Variants in TPO observed in about 807,000 individuals in gnomAD.
TPO encodes the protein thyroid peroxidase, also known as thyroid microsomal antigen.
In TPO, 78 loss-of-function variants were observed where a neutral mutation model predicts 96.9. The ratio of observed to expected loss-of-function variants is 0.81; its 90% CI spans 0.67 to 0.97. TPO has a LOEUF of 0.97. TPO is among the 50% of genes least tolerant of loss of function. The pLI is 0.00. For synonymous variants in TPO, 547 were observed against 538.0 expected, an observed-to-expected ratio of 1.02 and a Z score of -0.23; for missense variants, 1,252 against 1,274.8, an observed-to-expected ratio of 0.98 and a Z score of 0.27.
intron 7 of TPO, among the ~76,000 whole-genome samples, chr2:1,462,325 C>T (rs1440292180): frequency 6.6e-6 from 1 of 152,078 alleles, no homozygotes; most frequent in Non-Finnish European, 1.5e-5. Flanking sequence ...GGTCCCTGGA[C>T]ACAAACTCAG....
At chr2:1,387,820 T>A (rs1174028377) in intron 1 of TPO, among the ~76,000 whole-genome samples, 1 of 152,210 alleles carries the variant, frequency 6.6e-6, no homozygotes, top group African/African-American at 2.4e-5. Context: ...TCTGTTCTGT[T>A]TTTTCCTCAT....
intron 15 of TPO, among the ~76,000 whole-genome samples, chr2:1,538,120 C>T (rs1431953860): frequency 6.3e-5 from 7 of 111,050 alleles, no homozygotes; most frequent in African/African-American, 2.4e-4. Flanking sequence ...CTCAAATCCC[C>T]GCACTGTGTT....
At chr2:1,408,683 A>G (rs1662282306), upstream of TPO, among the ~76,000 whole-genome samples, 1 of 152,188 alleles carries the variant, frequency 6.6e-6, no homozygotes, top group Non-Finnish European at 1.5e-5. Context: ...AGAAAAGTAC[A>G]TTCATTAATT....
chr2:1,498,953 G>T (rs758522537), intron 13 of TPO, among the ~76,000 whole-genome samples: 1 of 151,960 alleles, frequency 6.6e-6, no homozygotes, highest in Non-Finnish European at 1.5e-5. Flanking sequence ...GTGCTTCAGG[G>T]TATAGCATGT....
chr2:1,386,166 G>T (rs893276508), intron 1 of TPO, among the ~76,000 whole-genome samples: 2 of 152,188 alleles, frequency 1.3e-5, no homozygotes, highest in Admixed American at 6.5e-5. Context: ...GTGCGGGTGT[G>T]GTGTGGAGAA....
chr2:1,491,753 G>A (rs1671786039), intron 10 of TPO, among the ~76,000 whole-genome samples: 1 of 152,222 alleles, frequency 6.6e-6, no homozygotes, highest in African/African-American at 2.4e-5. Context: ...CTAGGCTACA[G>A]TAGATTGGGT....
intron 7 of TPO, among the ~76,000 whole-genome samples, chr2:1,474,549 T>C (rs985343510): frequency 1.3e-5 from 2 of 152,218 alleles, no homozygotes; most frequent in African/African-American, 4.8e-5. Flanking sequence ...TTGATAGAAG[T>C]CCACCGTCAA....
chr2:1,501,964 G>A (rs1171070624), intron 13 of TPO, among the ~76,000 whole-genome samples: 1 of 152,186 alleles, frequency 6.6e-6, no homozygotes, highest in Admixed American at 6.5e-5. Context: ...GCAGGGATGG[G>A]GTGAGGAGAG....
upstream of TPO, among the ~76,000 whole-genome samples, chr2:1,412,734 A>G (rs895559556): frequency 2.0e-5 from 3 of 152,204 alleles, no homozygotes; most frequent in African/African-American, 7.2e-5. Context: ...GGGGGCATGA[A>G]GAGGCTCCAA....
rs1457425410 is a variant in TPO, at chr2:1,501,383, T to A, written c.2387-2565T>A. Among the ~76,000 whole-genome samples the A allele has an allele frequency of 3.3e-5, 5 of 152,122 alleles. No homozygotes were observed. In the East Asian group the frequency reaches 9.7e-4, roughly 29 times the overall value. On this transcript the variant is annotated intron_variant, in intron 13 of 16. Transcript: ENST00000329066. ...CGGCTGAGGCTGGTTTCCTCCTCTG[T>A]CGGGAGCGCTGCTCTTCAGACAAGG...
intron 15 of TPO, among the ~76,000 whole-genome samples, chr2:1,533,240 C>T (rs1678758818): frequency 1.3e-5 from 1 of 79,128 alleles, no homozygotes; most frequent in Non-Finnish European, 2.3e-5. Flanking sequence ...GCAACCTCCC[C>T]AAATCCCCCA....
At chr2:1,424,119 G>T (rs577103998) in intron 3 of TPO, among the ~76,000 whole-genome samples, 38 of 152,314 alleles carry the variant, frequency 2.5e-4, no homozygotes, top group African/African-American at 7.9e-4. Flanking sequence ...CAAGATGGCT[G>T]GGGCACAGCT....
intron 7 of TPO, among the ~76,000 whole-genome samples, chr2:1,471,194 G>T (rs1374899009): frequency 1.1e-4 from 17 of 152,172 alleles, no homozygotes; most frequent in Non-Finnish European, 1.5e-5. Flanking sequence ...AACTGGTAGA[G>T]CTTATTTGTG....
chr2:1,470,033 G>A (rs2148649108), intron 7 of TPO, among the ~76,000 whole-genome samples: 1 of 152,214 alleles, frequency 6.6e-6, no homozygotes. Flanking sequence ...AATTTTAATA[G>A]GTACTCCCAA....
chr2:1,514,598 G>T (rs1674492389), intron 14 of TPO, among the ~76,000 whole-genome samples: 1 of 152,152 alleles, frequency 6.6e-6, no homozygotes, highest in African/African-American at 2.4e-5. Flanking sequence ...CCCCGGGGTG[G>T]CACTGAAGAG....
intron 15 of TPO, among the ~76,000 whole-genome samples, chr2:1,531,299 T>A (rs141379079): frequency 0.019 from 1,581 of 83,604 alleles, 79 homozygotes; most frequent in Middle Eastern, 0.04. Context: ...GTCAGCAACT[T>A]CCCTAAATCC....
intron 7 of TPO, among the ~76,000 whole-genome samples, chr2:1,468,309 T>G (rs1046641369): frequency 6.6e-6 from 1 of 152,152 alleles, no homozygotes; most frequent in Non-Finnish European, 1.5e-5. Flanking sequence ...CCTGTGAGAT[T>G]TATGCTTTAA....
intron 1 of TPO, among the ~76,000 whole-genome samples, chr2:1,397,952 A>G (rs1249257901): frequency 6.6e-6 from 1 of 152,192 alleles, no homozygotes; most frequent in Non-Finnish European, 1.5e-5. Flanking sequence ...CCAAATATGC[A>G]CCTTGTGCAG....
Position 1,452,755 on chromosome 2 carries a change from T to A in TPO, c.483-939T>A, listed in dbSNP as rs150304457. ...AAACAAAATATTGGAAAATACCTCA[T>A]TTGCACAAAGGATTAGTTACCAATC... On this transcript the variant is annotated intron_variant, in intron 5 of 16. Coordinates refer to ENST00000329066, the MANE Select transcript of TPO (RefSeq NM_001206744.2). 1.2e-4 allele frequency among the ~76,000 whole-genome samples: 19 copies of A among 152,328 alleles called. No individual in the cohort carries two copies. In the East Asian group the frequency reaches 3.7e-3, roughly 29 times the overall value.
Sources: allele counts gnomAD v4.1 joint callset (sites outside exome capture counted in the v4.1 genomes callset), GRCh38; gene constraint gnomAD v4.1.1; transcripts MANE v1.5; gene names NCBI Gene and HGNC (gene_info 2026-07-23, HGNC 2026-07-21).